Variants in ATM observed in about 807,000 individuals in gnomAD.
ATM encodes the protein serine-protein kinase ATM.
Under a neutral mutation model 387.0 loss-of-function variants are expected in ATM, and 308 were observed. The observed-to-expected ratio is 0.80, with a 90% CI of 0.73 to 0.87. ATM has a LOEUF of 0.87. Ranked by LOEUF, ATM falls within the 40% of genes least tolerant of loss-of-function variation. The probability of loss-of-function intolerance (pLI) is 0.00; values close to 1 mark genes in which losing one functional copy is unlikely to be tolerated. For synonymous variants in ATM, 1,156 were observed against 1,187.3 expected, an observed-to-expected ratio of 0.97 and a Z score of 0.54; for missense variants, 3,312 against 3,560.9, an observed-to-expected ratio of 0.93 and a Z score of 1.78.
intron 61 of ATM, 128 bp from the exon 62 acceptor site, chr11:108,364,951 CATG>C (rs1342586090): frequency 2.1e-6 from 2 of 956,260 alleles, no homozygotes; most frequent in African/African-American, 3.2e-5. Context: ...ATGAAGTGTG[CATG>C]ATGTTTGTTC....
chr11:108,331,609 C>G (rs1425790126), intron 51 of ATM, 52 bp downstream of exon 51: 2 of 1,440,210 alleles, frequency 1.4e-6, no homozygotes, highest in East Asian at 5.3e-5. Context: ...TCTATTATTA[C>G]TATATATTAT....
intron 61 of ATM, among the ~76,000 whole-genome samples, chr11:108,362,990 CAAAAA>C (rs895050205): frequency 6.6e-6 from 1 of 151,446 alleles, no homozygotes; most frequent in Non-Finnish European, 1.5e-5. Flanking sequence ...AACAAACAAA[CAAAAA>C]AAACACACCC....
chr11:108,243,395 T>C (rs2079663447), intron 5 of ATM, among the ~76,000 whole-genome samples: 1 of 152,102 alleles, frequency 6.6e-6, no homozygotes, highest in South Asian at 2.1e-4. Flanking sequence ...GGTAGATCAC[T>C]TGAGGCCAGG....
intron 59 of ATM, among the ~76,000 whole-genome samples, chr11:108,349,788 C>T (rs2137163987): frequency 6.6e-6 from 1 of 152,130 alleles, no homozygotes; most frequent in Non-Finnish European, 1.5e-5. Flanking sequence ...AGGTTTAAAC[C>T]TGTTAGATAT....
chr11:108,291,384 C>T (rs940916703), intron 29 of ATM, among the ~76,000 whole-genome samples: 5 of 152,114 alleles, frequency 3.3e-5, no homozygotes, highest in Admixed American at 2.0e-4. Context: ...TTTTTATTTT[C>T]GCCATTAAAT....
chr11:108,350,552 C>T (rs563069181), intron 59 of ATM, among the ~76,000 whole-genome samples: 32 of 152,158 alleles, frequency 2.1e-4, no homozygotes, highest in African/African-American at 7.7e-4. Flanking sequence ...GAGACAGTCA[C>T]GGATATTATA....
At chr11:108,227,236 C>T (rs1397730142) in intron 1 of ATM, 2 of 186,938 alleles carry the variant, frequency 1.1e-5, no homozygotes, top group Non-Finnish European at 2.2e-5. Context: ...GCTGGTCGAA[C>T]TCCTGACCTT....
At chr11:108,316,903 G>A (rs1472331026) in intron 42 of ATM, among the ~76,000 whole-genome samples, 1 of 151,934 alleles carries the variant, frequency 6.6e-6, no homozygotes, top group Non-Finnish European at 1.5e-5. Flanking sequence ...TCCAGCCTGG[G>A]CAATAGAGCG....
chr11:108,293,363 C>A lies in ATM; in HGVS notation c.4662C>A (p.Asn1554Lys), dbSNP rs776761757. ...YLVIDNKDNE[N>K]LYITIKLLDP... ...TGATAGATAACAAGGATAATGAAAA[C>A]CTCTATATCACGATTAAGCTTTTAG... The change falls in exon 31 of 63, where the codon AAC becomes AAA. Residue 1554 changes from asparagine to lysine, a missense_variant. Asn to Lys is a moderately conservative substitution (Grantham distance 94). Around this residue, in one of 4 missense-constraint regions of ATM, gnomAD observed 1,791 missense variants for 1,804.5 expected, o/e 0.99. Coordinates refer to ENST00000675843, the MANE Select transcript of ATM (RefSeq NM_000051.4). 4 of 1,594,016 alleles carry A rather than the reference C, an allele frequency of 2.5e-6. No individual in the cohort carries two copies. The highest frequency in any genetic ancestry group is 3.4e-6 in the Non-Finnish European group (4 of 1,162,796).
chr11:108,333,001 CAAACGTAATCCAAA>C, intron 53 of ATM, 101 bp downstream of exon 53: 1 of 1,413,294 alleles, frequency 7.1e-7, no homozygotes, highest in Non-Finnish European at 9.7e-7. Context: ...CTTAAAATCA[CAAACGTAATCCAAA>C]AGCTTAATTT....
At chr11:108,295,248 T>G (rs756365314) in intron 32 of ATM, 189 bp downstream of exon 32, 19 of 662,378 alleles carry the variant, frequency 2.9e-5, no homozygotes, top group Non-Finnish European at 4.9e-5. Context: ...TCTTCCTGTT[T>G]TATTCATCCT....
intron 61 of ATM, among the ~76,000 whole-genome samples, chr11:108,361,777 C>T (rs1389852173): frequency 6.6e-6 from 1 of 152,142 alleles, no homozygotes; most frequent in East Asian, 1.9e-4. Context: ...CCCTTCCTTA[C>T]ACCTGATACA....
At chr11:108,228,659 TC>T (rs2135025645) in intron 3 of ATM, among the ~76,000 whole-genome samples, 1 of 152,362 alleles carries the variant, frequency 6.6e-6, no homozygotes, top group Non-Finnish European at 1.5e-5. Flanking sequence ...ATGCTGTTTT[TC>T]CTCTGATTTT....
intron 33 of ATM, among the ~76,000 whole-genome samples, chr11:108,298,567 G>A (rs2083244164): frequency 6.6e-6 from 1 of 152,158 alleles, no homozygotes; most frequent in Non-Finnish European, 1.5e-5. Flanking sequence ...GCCCTAAGTG[G>A]CTTTCCTGTG....
chr11:108,274,185 T>C (rs2081790869), intron 22 of ATM, among the ~76,000 whole-genome samples: 1 of 152,226 alleles, frequency 6.6e-6, no homozygotes, highest in African/African-American at 2.4e-5. Flanking sequence ...TCTCTGATGG[T>C]AGTTTGTATT....
chr11:108,266,280 T>C (rs1166582388), intron 16 of ATM, among the ~76,000 whole-genome samples: 3 of 151,768 alleles, frequency 2.0e-5, no homozygotes, highest in Non-Finnish European at 4.4e-5. Context: ...GTGGCACATA[T>C]ACACCATGGA....
chr11:108,228,385 G>A (rs761298634), intron 3 of ATM, among the ~76,000 whole-genome samples: 5 of 152,106 alleles, frequency 3.3e-5, no homozygotes, highest in Non-Finnish European at 7.4e-5. Flanking sequence ...TGGCAAACAG[G>A]GTTGATGCAT....
chr11:108,255,926 C>T (rs753995851), intron 13 of ATM, among the ~76,000 whole-genome samples: 1 of 151,872 alleles, frequency 6.6e-6, no homozygotes, highest in Non-Finnish European at 1.5e-5. Flanking sequence ...TTTCTTTCAT[C>T]CCTACCTCAA....
intron 20 of ATM, among the ~76,000 whole-genome samples, chr11:108,271,958 C>T (rs1450540227): frequency 7.9e-5 from 12 of 152,160 alleles, no homozygotes; most frequent in Non-Finnish European, 1.2e-4. Flanking sequence ...CTGCAACCTC[C>T]GCCTAGTAGG....
Sources: allele counts gnomAD v4.1 joint callset (sites outside exome capture counted in the v4.1 genomes callset), GRCh38; gene constraint gnomAD v4.1.1; regional missense constraint gnomAD v4.1.1; transcripts MANE v1.5; gene names NCBI Gene and HGNC (gene_info 2026-07-23, HGNC 2026-07-21).